Variants in CSMD1 observed in about 807,000 individuals in gnomAD.
CSMD1 encodes CUB and Sushi multiple domains 1, also known as CUB and sushi domain-containing protein 1.
CSMD1 carries 213 observed loss-of-function variants against 417.5 expected under a neutral mutation model. That is an observed-to-expected ratio of 0.51 (90% CI 0.46 to 0.57). The LOEUF (loss-of-function observed/expected upper bound fraction) is 0.57, where lower values mean the gene tolerates loss of function less well. Ranked by LOEUF, CSMD1 falls within the 20% of genes least tolerant of loss-of-function variation. CSMD1 has a pLI of 0.00. For missense variants in CSMD1, 6,923 were observed against 4,529.7 expected (o/e 1.53, Z -15.17); for synonymous variants, 2,862 against 1,736.8 (o/e 1.65, Z -16.11).
intron 3 of CSMD1, among the ~76,000 whole-genome samples, chr8:4,367,230 A>G (rs1802127787): frequency 6.6e-6 from 1 of 152,172 alleles, no homozygotes; most frequent in African/African-American, 2.4e-5. Context: ...TATGTGGTGT[A>G]AGGAAGGGGT....
intron 3 of CSMD1, among the ~76,000 whole-genome samples, chr8:4,047,754 G>C (rs573400181): frequency 6.6e-6 from 1 of 151,804 alleles, no homozygotes; most frequent in East Asian, 1.9e-4. Context: ...AGAGAAAATG[G>C]TATTTTTTTG....
Position 4,853,394 on chromosome 8 carries a change from C to G in CSMD1, c.85+140938G>C, listed in dbSNP as rs141653456. 1.6e-4 allele frequency among the ~76,000 whole-genome samples: 24 copies of G among 152,326 alleles called. No individual in the cohort carries two copies. In the East Asian group the frequency reaches 3.5e-3, roughly 22 times the overall value. ...TCCATGGCTCAAAGTGCCACAGGTA[C>G]AGCTCATATTGCTGCTTCAGAGGGT... On this transcript the variant is annotated intron_variant, in intron 1 of 69. Coordinates refer to ENST00000635120, the MANE Select transcript of CSMD1 (RefSeq NM_033225.6).
intron 7 of CSMD1, among the ~76,000 whole-genome samples, chr8:3,690,701 C>T (rs752833834): frequency 8.6e-5 from 13 of 152,030 alleles, no homozygotes; most frequent in Non-Finnish European, 1.5e-4. Flanking sequence ...GTACATAAAG[C>T]GCATAGCTGA....
chr8:4,717,346 T>TATATATATATATATATAC (rs1808732072), intron 1 of CSMD1, among the ~76,000 whole-genome samples: 1 of 138,486 alleles, frequency 7.2e-6, no homozygotes, highest in African/African-American at 2.9e-5. Flanking sequence ...CACGTATATA[T>TATATATATATATATATAC]ACACACACAT....
intron 3 of CSMD1, among the ~76,000 whole-genome samples, chr8:4,176,002 G>A (rs1005633084): frequency 1.3e-5 from 2 of 152,146 alleles, no homozygotes; most frequent in Non-Finnish European, 2.9e-5. Context: ...TGAGAGGCTA[G>A]CCCAGGCTTC....
intron 48 of CSMD1, among the ~76,000 whole-genome samples, chr8:3,091,141 G>C (rs953788371): frequency 6.6e-6 from 1 of 151,900 alleles, no homozygotes; most frequent in African/African-American, 2.4e-5. Context: ...TTAATAGTAA[G>C]AGATTATCAT....
chr8:4,211,554 T>C (rs1800314334), intron 3 of CSMD1, among the ~76,000 whole-genome samples: 2 of 152,344 alleles, frequency 1.3e-5, no homozygotes, highest in African/African-American at 2.4e-5. Context: ...TTCCAAGAAA[T>C]GTTTACTCAA....
chr8:3,025,304 T>C (rs1206385873), intron 51 of CSMD1, among the ~76,000 whole-genome samples: 1 of 151,914 alleles, frequency 6.6e-6, no homozygotes, highest in Non-Finnish European at 1.5e-5. Flanking sequence ...CTGTGTATTG[T>C]CTGGTGTTAT....
At chr8:4,349,653 T>C (rs1031557949) in intron 3 of CSMD1, among the ~76,000 whole-genome samples, 5 of 152,186 alleles carry the variant, frequency 3.3e-5, no homozygotes, top group Admixed American at 6.5e-5. Flanking sequence ...TTCATAATAT[T>C]TGGCTAAATG....
intron 4 of CSMD1, among the ~76,000 whole-genome samples, chr8:4,028,367 G>C (rs1185798082): frequency 6.6e-6 from 1 of 152,100 alleles, no homozygotes; most frequent in Non-Finnish European, 1.5e-5. Flanking sequence ...TGCTAAAGTA[G>C]TGCCTGGCTT....
At chr8:3,578,544 T>C (rs1800248655) in intron 9 of CSMD1, among the ~76,000 whole-genome samples, 1 of 152,222 alleles carries the variant, frequency 6.6e-6, no homozygotes, top group Admixed American at 6.5e-5. Context: ...GGGGGCTGTA[T>C]TGAATACAAA....
At chr8:3,313,309 AACC>A (rs1296792669) in intron 23 of CSMD1, among the ~76,000 whole-genome samples, 1 of 152,212 alleles carries the variant, frequency 6.6e-6, no homozygotes, top group Non-Finnish European at 1.5e-5. Flanking sequence ...CAGCAAAAGA[AACC>A]ACCATCAGAG....
intron 1 of CSMD1, among the ~76,000 whole-genome samples, chr8:4,842,116 G>T (rs1015231248): frequency 1.3e-5 from 2 of 152,118 alleles, no homozygotes; most frequent in Non-Finnish European, 2.9e-5. Flanking sequence ...GTAAAAAGGT[G>T]CAAGGCACCA....
intron 3 of CSMD1, among the ~76,000 whole-genome samples, chr8:4,141,703 C>T (rs1411779598): frequency 6.6e-6 from 1 of 151,070 alleles, no homozygotes; most frequent in Non-Finnish European, 1.5e-5. Flanking sequence ...GGAGAGCAGG[C>T]AATTCTGATC....
chr8:3,823,486 A>G (rs930390308), intron 5 of CSMD1, among the ~76,000 whole-genome samples: 1 of 152,206 alleles, frequency 6.6e-6, no homozygotes, highest in African/African-American at 2.4e-5. Context: ...GTATTTTTGA[A>G]CCATTTAGCT....
At chr8:4,482,885 G>A (rs541943166) in intron 2 of CSMD1, among the ~76,000 whole-genome samples, 1 of 152,100 alleles carries the variant, frequency 6.6e-6, no homozygotes. Context: ...TCATAAAGTA[G>A]GGGCATGTAT....
intron 7 of CSMD1, among the ~76,000 whole-genome samples, chr8:3,629,504 TA>T (rs752760834): frequency 7.2e-4 from 109 of 152,310 alleles, no homozygotes; most frequent in Middle Eastern, 3.4e-3. Context: ...CATTGCTCAA[TA>T]AAGACAACGT....
intron 2 of CSMD1, among the ~76,000 whole-genome samples, chr8:4,487,083 C>A (rs1275917598): frequency 6.6e-6 from 1 of 151,832 alleles, no homozygotes; most frequent in African/African-American, 2.4e-5. Context: ...AATTTTTTTT[C>A]TTTTTGCCAT....
chr8:3,175,744 G>A (rs998462495), intron 37 of CSMD1, among the ~76,000 whole-genome samples: 2 of 152,078 alleles, frequency 1.3e-5, no homozygotes, highest in East Asian at 1.9e-4. Context: ...GGGCTACTAT[G>A]TAAGAAAGAG....
Sources: allele counts gnomAD v4.1 joint callset (sites outside exome capture counted in the v4.1 genomes callset), GRCh38; gene constraint gnomAD v4.1.1; transcripts MANE v1.5; gene names NCBI Gene and HGNC (gene_info 2026-07-23, HGNC 2026-07-21).